The following NCALD variants were observed in gnomAD, a reference collection of about 807,000 sequenced individuals.
NCALD encodes the protein neurocalcin delta, also known as neurocalcin-delta.
A neutral mutation model predicts 18.6 loss-of-function variants in NCALD; 10 were observed. The ratio of observed to expected loss-of-function variants is 0.54; its 90% CI spans 0.33 to 0.91. The LOEUF (loss-of-function observed/expected upper bound fraction) is 0.91, where lower values mean the gene tolerates loss of function less well. Among genes scored for constraint, NCALD ranks in the 40% least tolerant of loss-of-function variants. The pLI, the probability that NCALD is intolerant of heterozygous loss-of-function variation, is 0.03. For synonymous variants in NCALD, 88 were observed against 87.4 expected (o/e 1.01, Z -0.04); for missense variants, 184 against 247.6 (o/e 0.74, Z 1.72).
chr8:101,749,591 G>A (rs73275506), intron 1 of NCALD, among the ~76,000 whole-genome samples: 4,033 of 152,238 alleles, frequency 0.026, 182 homozygotes, highest in African/African-American at 0.09. Flanking sequence ...ATAATAATGA[G>A]TACATGATAT....
chr8:101,758,434 G>A (rs1810975868), intron 1 of NCALD, among the ~76,000 whole-genome samples: 1 of 152,180 alleles, frequency 6.6e-6, no homozygotes, highest in South Asian at 2.1e-4. Context: ...CATTGATCCT[G>A]GGTGACAAAT....
At chr8:101,780,166 A>G (rs1202071120) in intron 1 of NCALD, among the ~76,000 whole-genome samples, 1 of 152,186 alleles carries the variant, frequency 6.6e-6, no homozygotes, top group African/African-American at 2.4e-5. Flanking sequence ...GAATATGAAT[A>G]GAAGACTAAC....
chr8:101,928,250 G>A (rs1818410877), intron 2 of NCALD, among the ~76,000 whole-genome samples: 1 of 152,142 alleles, frequency 6.6e-6, no homozygotes, highest in African/African-American at 2.4e-5. Flanking sequence ...TAACCCGGTA[G>A]AAGAACTAGG....
chr8:102,082,540 C>G (rs1315463729), intron 1 of NCALD, among the ~76,000 whole-genome samples: 2 of 152,148 alleles, frequency 1.3e-5, no homozygotes, highest in Non-Finnish European at 2.9e-5. Context: ...CTCCAACTCC[C>G]ATTCCAGATG....
chr8:101,945,119 A>C (rs1819116832), intron 2 of NCALD, among the ~76,000 whole-genome samples: 1 of 152,208 alleles, frequency 6.6e-6, no homozygotes, highest in South Asian at 2.1e-4. Flanking sequence ...CAGTAACCCC[A>C]GCAAGACTCT....
intron 4 of NCALD, among the ~76,000 whole-genome samples, chr8:101,841,720 T>C (rs565236842): frequency 2.6e-5 from 4 of 152,220 alleles, no homozygotes; most frequent in African/African-American, 9.6e-5. Flanking sequence ...AGAGGGTGAA[T>C]CTTGACTGGT....
chr8:101,947,921 T>C (rs1819240530), intron 2 of NCALD, among the ~76,000 whole-genome samples: 1 of 152,178 alleles, frequency 6.6e-6, no homozygotes, highest in African/African-American at 2.4e-5. Context: ...ATAGAGATTC[T>C]GAAAGAAGTT....
At chr8:101,769,284 A>G (rs1328806614) in intron 1 of NCALD, among the ~76,000 whole-genome samples, 2 of 152,240 alleles carry the variant, frequency 1.3e-5, no homozygotes, top group Non-Finnish European at 2.9e-5. Context: ...TTCTATAACC[A>G]TAGTGTCCAG....
intron 3 of NCALD, among the ~76,000 whole-genome samples, chr8:101,914,073 T>C (rs1440813152): frequency 6.6e-6 from 1 of 152,224 alleles, no homozygotes; most frequent in East Asian, 1.9e-4. Context: ...AACTCCATAC[T>C]TTAATCAAAC....
At chr8:101,765,158 G>A (rs180942080) in intron 1 of NCALD, among the ~76,000 whole-genome samples, 1 of 152,118 alleles carries the variant, frequency 6.6e-6, no homozygotes, top group Non-Finnish European at 1.5e-5. Flanking sequence ...TTCTATACAC[G>A]GCACTCCAGG....
At chr8:101,907,565 A>G (rs1586736036) in intron 3 of NCALD, among the ~76,000 whole-genome samples, 1 of 151,768 alleles carries the variant, frequency 6.6e-6, no homozygotes, top group East Asian at 1.9e-4. Context: ...AAATAGTGGC[A>G]CTTAGTATAT....
At chr8:102,067,237 C>T (rs556782102) in intron 1 of NCALD, among the ~76,000 whole-genome samples, 43 of 152,268 alleles carry the variant, frequency 2.8e-4, no homozygotes, top group East Asian at 1.4e-3. Flanking sequence ...ACTTCTAGCA[C>T]GCTGGCCTCT....
chr8:101,948,422 G>A (rs986725386), intron 2 of NCALD, among the ~76,000 whole-genome samples: 1 of 152,160 alleles, frequency 6.6e-6, no homozygotes, highest in African/African-American at 2.4e-5. Context: ...GAAAAATCAG[G>A]AGTAAAACTT....
intron 2 of NCALD, among the ~76,000 whole-genome samples, chr8:101,935,668 G>A (rs922871334): frequency 6.6e-6 from 1 of 152,078 alleles, no homozygotes; most frequent in Non-Finnish European, 1.5e-5. Context: ...ATTCTGAGTG[G>A]AGTGGGTTGC....
intron 1 of NCALD, among the ~76,000 whole-genome samples, chr8:102,043,334 T>G (rs1424083083): frequency 6.6e-6 from 1 of 151,948 alleles, no homozygotes; most frequent in African/African-American, 2.4e-5. Flanking sequence ...TTTTTTGTTT[T>G]GTTTTGTTTT....
At chr8:101,690,879 G>C in intron 3 of NCALD, 2 of 985,360 alleles carry the variant, frequency 2.0e-6, no homozygotes, top group Non-Finnish European at 2.4e-6. Context: ...CTCAGGGGTC[G>C]GCTCTGGGAG....
chr8:101,979,272 C>T (rs570419655), intron 2 of NCALD, among the ~76,000 whole-genome samples: 3 of 126,902 alleles, frequency 2.4e-5, no homozygotes, highest in East Asian at 2.1e-4. Context: ...TAACAAGGCT[C>T]ATAAGGCCAG....
At position 102,038,566 on chromosome 8, in the gene NCALD, T is replaced by C. The variant is rs80213047; in HGVS notation, c.-209-18277A>G. On this transcript the variant is annotated intron_variant, in intron 1 of 6. Coordinates refer to the NCALD transcript ENST00000311028. ...ATAGCAGCAAAGTCCCTAGAAGCCC[T>C]AAGTGGCAGGGCTCCAGCTTCTGCA... Among the ~76,000 whole-genome samples the C allele has an allele frequency of 1.1e-3, 162 of 152,274 alleles. 2 individuals carry two copies. The East Asian group carries it at 0.028, about 27-fold the overall frequency.
At position 101,898,066 on chromosome 8, in the gene NCALD, C is replaced by T. The variant is rs1006603584; in HGVS notation, c.-106-10839G>A. Among the ~76,000 whole-genome samples the T allele has an allele frequency of 2.0e-5, 3 of 152,216 alleles. No homozygotes were observed. The East Asian group carries it at 5.8e-4, about 29-fold the overall frequency. On this transcript the variant is annotated intron_variant, in intron 3 of 6. Coordinates refer to the NCALD transcript ENST00000311028. ...CATGTGAAGAAGGACATGTTTGCTT[C>T]CCCTTCAGCCATGATTGGAAGTTTC...
Sources: gnomAD v4.1 joint callset for allele counts (sites outside exome capture counted in the v4.1 genomes callset) on GRCh38, gnomAD v4.1.1 for gene constraint, MANE v1.5 for transcripts, NCBI Gene and HGNC (gene_info 2026-07-23, HGNC 2026-07-21) for gene names.